The following PCDHGB5 variants were observed in gnomAD, a reference collection of about 807,000 sequenced individuals.
PCDHGB5 encodes the protein protocadherin gamma subfamily B, 5.
PCDHGB5 carries 48 observed loss-of-function variants against 62.9 expected under a neutral mutation model. That is an observed-to-expected ratio of 0.76 (90% CI 0.61 to 0.97). The LOEUF is 0.97. PCDHGB5 is among the 50% of genes least tolerant of loss of function. The pLI, the probability that PCDHGB5 is intolerant of heterozygous loss-of-function variation, is 0.00. For synonymous variants in PCDHGB5, 474 were observed against 511.2 expected (o/e 0.93, Z 0.98); for missense variants, 1,118 against 1,198.6 (o/e 0.93, Z 0.99).
intron 1 of PCDHGB5, among the ~76,000 whole-genome samples, chr5:141,451,138 A>T (rs1348825654): frequency 6.6e-6 from 1 of 152,242 alleles, no homozygotes; most frequent in East Asian, 1.9e-4. Flanking sequence ...TTATGATTGT[A>T]TTTAGACTAG....
Position 141,418,514 on chromosome 5 carries a change from G to A in PCDHGB5, c.2397+17990G>A. Reference sequence around the variant, plus strand: ...GGTACTGACCGCCTTAGATGGTGGGGACCCTCCCCGAAGCGGTACTGCTCA... The same window carrying A: ...GGTACTGACCGCCTTAGATGGTGGGAACCCTCCCCGAAGCGGTACTGCTCA... On this transcript the variant is annotated intron_variant, in intron 1 of 3. Transcript: ENST00000617380. 1 of 1,613,996 alleles carries A rather than the reference G, an allele frequency of 6.2e-7. No homozygotes were observed.
At chr5:141,413,374 G>A (rs528233301) in intron 1 of PCDHGB5, 1 of 1,613,946 alleles carries the variant, frequency 6.2e-7, no homozygotes, top group East Asian at 2.2e-5. Context: ...GGCGGAGCGC[G>A]GAGTCCGCAT....
Position 141,512,559 on chromosome 5 carries a change from C to T in PCDHGB5, c.*1386C>T, listed in dbSNP as rs1396321304. The T allele has an allele frequency of 6.5e-6, 1 of 152,904 alleles. No individual in the cohort carries two copies. The highest frequency in any genetic ancestry group is 1.5e-5 in the Non-Finnish European group (1 of 68,438). The allele number at this position is 152,904 out of a possible 1,614,324, so 9.5% of individuals were successfully genotyped here. ...CCCCAGTGCCTCCTTGTGCATAGAC[C>T]TTCTTCTCCCACCCCCTTCTGCCCC... On this transcript the variant is annotated 3_prime_UTR_variant, in exon 4 of 4. Coordinates refer to ENST00000617380, the MANE Select transcript of PCDHGB5 (RefSeq NM_018925.3).
At position 141,494,693 on chromosome 5, in the gene PCDHGB5, G is replaced by A. The variant is rs2099756182; in HGVS notation, c.2398-114G>A. The A allele has an allele frequency of 5.0e-6, 8 of 1,585,786 alleles. No individual in the cohort carries two copies. In the South Asian group the frequency reaches 6.8e-5, roughly 13 times the overall value. ...GTCCACCCCTGCCCCCTCTTAGTCC[G>A]TTTTCTTCTCTGTGCCCACTCCCCT... is the stretch of plus-strand genomic sequence containing the variant. On this transcript the variant is annotated intron_variant, in intron 1 of 3. Transcript: ENST00000617380.
intron 1 of PCDHGB5, chr5:141,430,973 A>G: frequency 6.2e-7 from 1 of 1,613,266 alleles, no homozygotes; most frequent in East Asian, 2.2e-5. Flanking sequence ...CAGAGGTAGG[A>G]CGCAGCTTTT....
At chr5:141,438,053 C>T (rs1023159995) in intron 1 of PCDHGB5, among the ~76,000 whole-genome samples, 2 of 152,112 alleles carry the variant, frequency 1.3e-5, no homozygotes, top group African/African-American at 4.8e-5. Context: ...TTTGAGTTCA[C>T]TTTTAAGAAA....
chr5:141,428,341 C>T, intron 1 of PCDHGB5: 1 of 602,086 alleles, frequency 1.7e-6, no homozygotes, highest in Non-Finnish European at 3.0e-6. Flanking sequence ...GCTCTTCTTC[C>T]TCGCAGTGAT....
intron 1 of PCDHGB5, chr5:141,417,858 C>A (rs561149517): frequency 1.3e-6 from 2 of 1,547,240 alleles, no homozygotes; most frequent in African/African-American, 1.4e-5. Context: ...CCCGAGCGAA[C>A]GATGGGAGGG....
Position 141,398,314 on chromosome 5 carries a change from A to C in PCDHGB5, c.187A>C (p.Thr63Pro). ...DLGFSVQELP[T>P]RKLRVSSEKP... Reference sequence around the variant, plus strand: ...GGGGTTCAGCGTCCAGGAGTTACCGACTCGAAAACTGCGCGTCAGTTCGGA... The same window carrying C: ...GGGGTTCAGCGTCCAGGAGTTACCGCCTCGAAAACTGCGCGTCAGTTCGGA... Residue 63 changes from threonine (T) to proline (P), a missense_variant, in exon 1 of 4, where the codon ACT (threonine) becomes CCT (proline). This residue lies in a region of PCDHGB5 where 84 missense variants were observed against 169.5 expected (regional missense o/e 0.50). Coordinates refer to ENST00000617380, the MANE Select transcript of PCDHGB5 (RefSeq NM_018925.3). 7.4e-7 allele frequency: 1 copy of C among 1,348,682 alleles called. No individual in the cohort carries two copies. Among genetic ancestry groups the C allele is most frequent in the Non-Finnish European group, 1.0e-6 (1 of 976,288 alleles). 83.5% of individuals were successfully genotyped at this position (1,348,682 alleles called of 1,614,324 possible).
rs539406412 is a variant in PCDHGB5, at chr5:141,427,895, G to A, written c.2397+27371G>A. ...CGATGCAGGCCCACGACCAGGGCTCGCCCGCGCTCAGCGCCAACATGAGCC... is the reference window on the plus strand; with the variant it reads ...CGATGCAGGCCCACGACCAGGGCTCACCCGCGCTCAGCGCCAACATGAGCC... On this transcript the variant is annotated intron_variant, in intron 1 of 3. Transcript: ENST00000617380. 373 of 1,569,222 alleles carry A rather than the reference G, an allele frequency of 2.4e-4. 2 individuals are homozygous for A. In the South Asian group the frequency reaches 3.9e-3, roughly 17 times the overall value.
chr5:141,409,952 C>A (rs892751686), intron 1 of PCDHGB5: 2 of 1,613,350 alleles, frequency 1.2e-6, no homozygotes, highest in Non-Finnish European at 1.7e-6. Context: ...CTCTGCAGAG[C>A]CCGGCTACCT....
rs1199756501 is a variant in PCDHGB5 at position 141,493,222 on chromosome 5, C to A, written c.2398-1585C>A. Among the ~76,000 whole-genome samples the A allele has an allele frequency of 6.6e-6, 1 of 152,194 alleles. No individual in the cohort carries two copies. Among genetic ancestry groups the A allele is most frequent in the East Asian group, 1.9e-4 (1 of 5,196 alleles). ...ACCTCATCTCATTTGCTCTTCCCAC[C>A]ATTGCTGTTGGCTAGGTACTAACAT... On this transcript the variant is annotated intron_variant, in intron 1 of 3. Coordinates refer to ENST00000617380, the MANE Select transcript of PCDHGB5 (RefSeq NM_018925.3). This position sits in a 1 kb window ranked among gnomAD's most constrained non-coding sequence, Gnocchi z 4.3.
chr5:141,410,415 T>C (rs1589759810), intron 1 of PCDHGB5: 1 of 1,614,066 alleles, frequency 6.2e-7, no homozygotes. Flanking sequence ...TCTGGACCTG[T>C]AGTTCCCCCC....
chr5:141,453,318 AG>A (rs1299190594), intron 1 of PCDHGB5, among the ~76,000 whole-genome samples: 2 of 151,458 alleles, frequency 1.3e-5, no homozygotes, highest in Non-Finnish European at 2.9e-5. Context: ...TTTATTTTAG[AG>A]ATGGGGTCTC....
intron 1 of PCDHGB5, among the ~76,000 whole-genome samples, chr5:141,460,724 A>G (rs1294708205): frequency 6.6e-6 from 1 of 152,114 alleles, no homozygotes; most frequent in Non-Finnish European, 1.5e-5. Flanking sequence ...TGTTATAAGC[A>G]TATATACACA....
chr5:141,404,809 G>A (rs1383342554), intron 1 of PCDHGB5: 1 of 1,613,984 alleles, frequency 6.2e-7, no homozygotes, highest in East Asian at 2.2e-5. Flanking sequence ...TCTTCTCGGT[G>A]GGGCTGCACA....
intron 1 of PCDHGB5, chr5:141,417,670 A>T: frequency 1.1e-6 from 1 of 929,118 alleles, no homozygotes; most frequent in Admixed American, 3.2e-5. Context: ...TTCCCTGCGC[A>T]GCCAACAACA....
In PCDHGB5 at chr5:141,402,880, A is replaced by T; in HGVS notation, c.2397+2356A>T. The T allele has an allele frequency of 1.4e-6, 2 of 1,474,944 alleles. 1 individual carries two copies. The highest frequency in any genetic ancestry group is 2.9e-5 in the South Asian group (2 of 68,686). 91.4% of individuals were successfully genotyped at this position (1,474,944 alleles called of 1,614,324 possible). On this transcript the variant is annotated intron_variant, in intron 1 of 3. Coordinates refer to ENST00000617380, the MANE Select transcript of PCDHGB5 (RefSeq NM_018925.3). ...TAAGGAAAAGATCACCATACTTTGCAGGGTGGAAGAAAGAACCTGATGAAG... is the reference window on the plus strand; with the variant it reads ...TAAGGAAAAGATCACCATACTTTGCTGGGTGGAAGAAAGAACCTGATGAAG...
chr5:141,494,781 C>T, intron 1 of PCDHGB5, 26 bp from the exon 2 acceptor site: 1 of 1,614,074 alleles, frequency 6.2e-7, no homozygotes, highest in African/African-American at 1.3e-5. Flanking sequence ...GGGTACTCAG[C>T]CCCTTTCCCT....
Sources: allele counts gnomAD v4.1 joint callset (sites outside exome capture counted in the v4.1 genomes callset), GRCh38; gene constraint gnomAD v4.1.1; regional missense constraint gnomAD v4.1.1; non-coding constraint Gnocchi (gnomAD v3.1); transcripts MANE v1.5; gene names NCBI Gene and HGNC (gene_info 2026-07-23, HGNC 2026-07-21).